NLRP7: variants seen among roughly 807,000 people sequenced by gnomAD.
NLRP7 encodes the protein NLR family pyrin domain containing 7.
A neutral mutation model predicts 85.5 loss-of-function variants in NLRP7; 72 were observed. The ratio of observed to expected loss-of-function variants is 0.84; its 90% CI spans 0.70 to 1.02. NLRP7 has a LOEUF of 1.02. Ranked by LOEUF, NLRP7 falls within the 50% of genes least tolerant of loss-of-function variation. NLRP7 has a pLI of 0.00. For missense variants in NLRP7, 1,243 were observed against 1,219.5 expected, an observed-to-expected ratio of 1.02 and a Z score of -0.29; for synonymous variants, 550 against 505.2, an observed-to-expected ratio of 1.09 and a Z score of -1.19.
chr19:54,934,374 G>C lies in NLRP7; in HGVS notation c.2471+115C>G. ...GAGCCACCGTGCCGGGCCTGAAGCA[G>C]GTGTTTATTTCAGCAAGAGGCGCCA... On this transcript the variant is annotated intron_variant, in intron 7 of 9. Transcript: ENST00000340844. The surrounding 1 kb of genome is among the most constrained non-coding windows in gnomAD (Gnocchi z 6.7). The C allele has an allele frequency of 2.9e-6, 3 of 1,019,724 alleles. No homozygotes were observed. Among genetic ancestry groups the C allele is most frequent in the Non-Finnish European group, 4.7e-6 (3 of 637,886 alleles). 63.2% of individuals were successfully genotyped at this position (1,019,724 alleles called of 1,614,324 possible). A position where few individuals can be genotyped will look rare whatever the true frequency, so the allele number is the denominator to read the frequency against.
intron 1 of NLRP7, among the ~76,000 whole-genome samples, chr19:54,955,722 G>A (rs2069829375): frequency 6.6e-6 from 1 of 152,110 alleles, no homozygotes; most frequent in African/African-American, 2.4e-5. Context: ...CGGAGTCGTA[G>A]GTTGCAGTGA....
chr19:54,953,742 C>T (rs946419206), intron 1 of NLRP7, among the ~76,000 whole-genome samples: 1 of 152,004 alleles, frequency 6.6e-6, no homozygotes, highest in Admixed American at 6.6e-5. Flanking sequence ...GTGGCTCACA[C>T]CTGTAATCCC....
intron 1 of NLRP7, among the ~76,000 whole-genome samples, chr19:54,958,850 A>G (rs1382615368): frequency 1.3e-5 from 2 of 152,110 alleles, no homozygotes; most frequent in Admixed American, 1.3e-4. Flanking sequence ...AAGGGCTCAC[A>G]ACACTAAAGA....
chr19:54,927,890 G>C, intron 9 of NLRP7, 115 bp from the exon 10 acceptor site: 1 of 875,042 alleles, frequency 1.1e-6, no homozygotes, highest in Non-Finnish European at 1.9e-6. Flanking sequence ...CCAGGTGTTC[G>C]AGACCAGCCT....
chr19:54,960,947 A>G (rs2070022068), intron 1 of NLRP7, among the ~76,000 whole-genome samples: 1 of 152,078 alleles, frequency 6.6e-6, no homozygotes, highest in African/African-American at 2.4e-5. Flanking sequence ...AATATTCTAT[A>G]TAATTCCAAG....
Position 54,938,282 on chromosome 19 carries a change from G to A in NLRP7, c.1932-41C>T, listed in dbSNP as rs1312059883. ...CGTTCATCTCTTAGGACTAGTACCT[G>A]CATGGTGAGATGGGCATCTGCAAAC... On this transcript the variant is annotated intron_variant, in intron 4 of 9. Coordinates refer to ENST00000340844, the Ensembl canonical transcript of NLRP7. 5.8e-6 allele frequency: 9 copies of A among 1,548,214 alleles called. No individual in the cohort carries two copies. In the African/African-American group the frequency reaches 6.8e-5, roughly 12 times the overall value.
intron 1 of NLRP7, among the ~76,000 whole-genome samples, chr19:54,945,689 C>T (rs951178669): frequency 6.6e-6 from 1 of 152,120 alleles, no homozygotes; most frequent in African/African-American, 2.4e-5. Context: ...ACCTCCACCT[C>T]CCAGGTTCAA....
At chr19:54,956,302 G>A (rs750935536) in intron 1 of NLRP7, among the ~76,000 whole-genome samples, 8 of 152,170 alleles carry the variant, frequency 5.3e-5, no homozygotes, top group Non-Finnish European at 7.4e-5. Flanking sequence ...CTAAATCAAA[G>A]GAGAGGACAC....
At chr19:54,939,613 G>C in exon 4 of NLRP7, 1 of 1,610,974 alleles carries the variant, frequency 6.2e-7, no homozygotes, top group Non-Finnish European at 8.5e-7. Flanking sequence ...CGCCCTGCGG[G>C]AACCGGCTGC....
intron 1 of NLRP7, among the ~76,000 whole-genome samples, chr19:54,956,996 T>TTATG (rs750902773): frequency 2.8e-4 from 40 of 142,436 alleles, no homozygotes; most frequent in Non-Finnish European, 4.2e-4. Context: ...GCCTTTTCAT[T>TTATG]TATGTATGTA....
At chr19:54,938,275 A>G (rs1325162667) in intron 4 of NLRP7, 34 bp from the exon 5 acceptor site, 2 of 1,574,764 alleles carry the variant, frequency 1.3e-6, no homozygotes, top group East Asian at 2.2e-5. Flanking sequence ...TCTTAGGACT[A>G]GTACCTGCAT....
intron 9 of NLRP7, 121 bp from the exon 11 acceptor site, chr19:54,923,993 G>A (rs938360932): frequency 1.8e-6 from 2 of 1,082,422 alleles, no homozygotes; most frequent in African/African-American, 3.1e-5. Context: ...TGGGGGACAG[G>A]GTCTTGCTCT....
At chr19:54,938,421 A>C (rs1249038365) in intron 4 of NLRP7, among the ~76,000 whole-genome samples, 180 bp from the exon 5 acceptor site, 1 of 152,146 alleles carries the variant, frequency 6.6e-6, no homozygotes, top group East Asian at 1.9e-4. Context: ...AGTTTTACAA[A>C]AAAAATAAAA....
At chr19:54,933,826 C>T in intron 7 of NLRP7, 87 bp from the exon 8 acceptor site, 1 of 1,136,100 alleles carries the variant, frequency 8.8e-7, no homozygotes, top group South Asian at 1.2e-5. Context: ...CTAGGGTACT[C>T]AGCTTCAGCC....
chr19:54,940,492 T>G, intron 3 of NLRP7, 26 bp from the exon 4 acceptor site: 1 of 1,611,560 alleles, frequency 6.2e-7, no homozygotes, highest in Non-Finnish European at 8.5e-7. Flanking sequence ...ATAGGACAGT[T>G]GAGGTTGATG....
rs559937416 is a variant in NLRP7, at chr19:54,946,998, T to C, written c.-40+471A>G. ...GTTGCCCAGGCTAGTCTCAATCTCC[T>C]GAACTCCTCTAAACTATATTTGAAT... is the stretch of plus-strand genomic sequence containing the variant. On this transcript the variant is annotated intron_variant, in intron 1 of 9. Transcript: ENST00000340844. Among the ~76,000 whole-genome samples the C allele has an allele frequency of 9.9e-5, 15 of 151,998 alleles. No individual in the cohort carries two copies. In the East Asian group the frequency reaches 1.2e-3, roughly 12 times the overall value.
At chr19:54,951,753 A>ATT (rs879475433), upstream of NLRP7, among the ~76,000 whole-genome samples, 6 of 143,576 alleles carry the variant, frequency 4.2e-5, no homozygotes, top group African/African-American at 5.1e-5. Context: ...CATTAGACGA[A>ATT]TTTTTTTTTT....
chr19:54,929,072 T>C (rs914209324), intron 9 of NLRP7, among the ~76,000 whole-genome samples: 1 of 152,098 alleles, frequency 6.6e-6, no homozygotes, highest in Non-Finnish European at 1.5e-5. Flanking sequence ...GGGGATGGGT[T>C]AAGAAACTTC....
rs756903101 is a variant in NLRP7 at position 54,934,568 on chromosome 19, C to G, written c.2392G>C (p.Ala798Pro). 3.1e-6 allele frequency: 5 copies of G among 1,613,940 alleles called. No homozygotes were observed. The highest frequency in any genetic ancestry group is 3.4e-6 in the Non-Finnish European group (4 of 1,179,940). The change falls in exon 7 of 10, where the codon GCC (alanine) becomes CCC (proline). Residue 798 changes from alanine to proline, a missense_variant. Ala to Pro is a conservative substitution (Grantham distance 27). Coordinates refer to ENST00000340844, the Ensembl canonical transcript of NLRP7. This position sits in a 1 kb window ranked among gnomAD's most constrained non-coding sequence, Gnocchi z 6.7. ...GCACCCTCATCCAGGAGCACATTGG[C>G]TGAGAGACGCAGGTGCTTCAGGGAC... is the stretch of plus-strand genomic sequence containing the variant.
Sources: allele counts gnomAD v4.1 joint callset (sites outside exome capture counted in the v4.1 genomes callset), GRCh38; gene constraint gnomAD v4.1.1; non-coding constraint Gnocchi (gnomAD v3.1); transcripts MANE v1.5; gene names NCBI Gene and HGNC (gene_info 2026-07-23, HGNC 2026-07-21).